Variants in ANK2 observed in about 807,000 individuals in gnomAD.
The protein encoded by ANK2 is ankyrin-2.
Under a neutral mutation model 360.5 loss-of-function variants are expected in ANK2, and 83 were observed. The observed-to-expected ratio is 0.23, with a 90% CI of 0.19 to 0.28. The LOEUF (loss-of-function observed/expected upper bound fraction) is 0.28, where lower values mean the gene tolerates loss of function less well. ANK2 is among the 10% of genes least tolerant of loss of function. The pLI is 1.00. For synonymous variants in ANK2, 1,740 were observed against 1,759.5 expected (o/e 0.99, Z 0.28); for missense variants, 4,201 against 4,795.7 (o/e 0.88, Z 3.66).
At chr4:113,070,749 C>T (rs2077253832) in intron 1 of ANK2, among the ~76,000 whole-genome samples, 1 of 151,922 alleles carries the variant, frequency 6.6e-6, no homozygotes, top group Admixed American at 6.6e-5. Flanking sequence ...GTGTGACTTC[C>T]CTGATTTCAC....
chr4:113,263,436 A>G (rs1006152745), intron 13 of ANK2, among the ~76,000 whole-genome samples: 1 of 152,232 alleles, frequency 6.6e-6, no homozygotes, highest in Non-Finnish European at 1.5e-5. Context: ...TTAGAGGATA[A>G]ATGAGTCATC....
At chr4:112,766,836 T>C in the ANK2 span, among the ~76,000 whole-genome samples, 23 of 152,146 alleles carry the variant, frequency 1.5e-4, no homozygotes, top group African/African-American at 5.3e-4. Flanking sequence ...AAGACAGGAA[T>C]TGAGTTAGCC....
At chr4:113,190,488 T>C (rs1207600779) in intron 2 of ANK2, among the ~76,000 whole-genome samples, 1 of 152,108 alleles carries the variant, frequency 6.6e-6, no homozygotes, top group East Asian at 1.9e-4. Flanking sequence ...GTTTTTTTTT[T>C]TCTAATTTTG....
At chr4:113,243,758 AAC>A (rs2041295173) in intron 9 of ANK2, among the ~76,000 whole-genome samples, 1 of 152,318 alleles carries the variant, frequency 6.6e-6, no homozygotes, top group Admixed American at 6.5e-5. Flanking sequence ...CATCATTACT[AAC>A]ATTACCAATG....
intron 45 of ANK2, among the ~76,000 whole-genome samples, chr4:113,376,164 A>G (rs1020392095): frequency 7.9e-5 from 12 of 152,122 alleles, no homozygotes; most frequent in Non-Finnish European, 1.6e-4. Flanking sequence ...GAAATGCATC[A>G]TTAGACAACT....
At chr4:112,709,552 C>CAGCCTGGCCAACATGGTGA in the ANK2 span, among the ~76,000 whole-genome samples, 1 of 149,898 alleles carries the variant, frequency 6.7e-6, no homozygotes, top group Non-Finnish European at 1.5e-5. Context: ...AGTTCGAGAC[C>CAGCCTGGCCAACATGGTGA]AGCCTGGCCA....
intron 1 of ANK2, among the ~76,000 whole-genome samples, chr4:113,071,061 G>A (rs541467090): frequency 2.8e-4 from 42 of 152,214 alleles, no homozygotes; most frequent in African/African-American, 9.6e-4. Flanking sequence ...ACAAGATAAA[G>A]CCCTAAGAAT....
At chr4:113,218,331 A>T (rs1361397170) in intron 4 of ANK2, among the ~76,000 whole-genome samples, 6 of 152,026 alleles carry the variant, frequency 3.9e-5, no homozygotes, top group Non-Finnish European at 5.9e-5. Context: ...TCTTTGGAAA[A>T]TTTTTTAAAA....
chr4:113,228,651 T>C (rs913343149), intron 4 of ANK2, among the ~76,000 whole-genome samples: 7 of 151,994 alleles, frequency 4.6e-5, no homozygotes, highest in African/African-American at 1.7e-4. Flanking sequence ...TAAACACGTG[T>C]GTGCAAGTAT....
At chr4:112,826,477 C>T in intron 1 of ANK2, 1 of 1,121,670 alleles carries the variant, frequency 8.9e-7, no homozygotes, top group South Asian at 1.3e-5. Flanking sequence ...TCTGTGAAAC[C>T]TTTTGTTACA....
Position 113,372,727 on chromosome 4 carries a change from T to C in ANK2, c.11611-363T>C, listed in dbSNP as rs1347990873. 3.3e-5 allele frequency: 26 copies of C among 778,568 alleles called. No homozygotes were observed. In the South Asian group the frequency reaches 4.0e-4, roughly 12 times the overall value. The allele number at this position is 778,568 out of a possible 1,614,324, so 48.2% of individuals were successfully genotyped here. A position where few individuals can be genotyped will look rare whatever the true frequency, so the allele number is the denominator to read the frequency against. ...AAGGCTTGGCATGTTCCTTAGGTAG[T>C]GCATGGCCATTCAAAAGCAGATCCC... On this transcript the variant is annotated intron_variant, in intron 43 of 45. Transcript: ENST00000357077.
intron 1 of ANK2, among the ~76,000 whole-genome samples, chr4:113,173,539 A>G (rs1240711708): frequency 6.6e-6 from 1 of 152,150 alleles, no homozygotes; most frequent in East Asian, 1.9e-4. Flanking sequence ...ACAAAAGTTT[A>G]TCATCGTTAT....
Position 113,036,569 on chromosome 4 carries a change from A to G in ANK2, c.21+132055A>G, listed in dbSNP as rs150365936. Reference sequence around the variant, plus strand: ...CTAACTGTTACATCTTGCTACACAGATATGTATGCCTGCAGGAAATTTGAA... The same window carrying G: ...CTAACTGTTACATCTTGCTACACAGGTATGTATGCCTGCAGGAAATTTGAA... On this transcript the variant is annotated intron_variant, in intron 2 of 30. Transcript: ENST00000503271. Among the ~76,000 whole-genome samples, 283 of 151,956 alleles carry G rather than the reference A, an allele frequency of 1.9e-3. 2 individuals are homozygous for G. Among genetic ancestry groups the G allele is most frequent in the African/African-American group, 6.5e-3 (271 of 41,510 alleles).
At chr4:113,043,713 GTGTT>G (rs1014441922) in intron 2 of ANK2, among the ~76,000 whole-genome samples, 1 of 152,156 alleles carries the variant, frequency 6.6e-6, no homozygotes, top group Non-Finnish European at 1.5e-5. Context: ...AAAAAGTCAT[GTGTT>G]TGTTTGTAAG....
At chr4:113,194,861 CTT>C (rs1175499319) in intron 2 of ANK2, among the ~76,000 whole-genome samples, 1 of 152,054 alleles carries the variant, frequency 6.6e-6, no homozygotes, top group Non-Finnish European at 1.5e-5. Flanking sequence ...TAGTATCCTG[CTT>C]TAGTTGTTTC....
intron 1 of ANK2, chr4:113,106,776 T>C: frequency 2.7e-6 from 1 of 371,288 alleles, no homozygotes; most frequent in South Asian, 2.3e-5. Flanking sequence ...TTCTTCACAA[T>C]ATTTCATAGG....
intron 1 of ANK2, among the ~76,000 whole-genome samples, chr4:113,055,958 C>G (rs1158596423): frequency 1.3e-5 from 2 of 152,130 alleles, no homozygotes; most frequent in African/African-American, 2.4e-5. Flanking sequence ...TCACTCTTAT[C>G]TATGGGAATA....
At chr4:112,792,809 G>A in the ANK2 span, among the ~76,000 whole-genome samples, 1 of 152,094 alleles carries the variant, frequency 6.6e-6, no homozygotes, top group Non-Finnish European at 1.5e-5. Context: ...CCAAAGAAAG[G>A]AGAAGGATAG....
chr4:113,252,604 T>G lies in ANK2; in HGVS notation c.990+2742T>G, dbSNP rs79205491. On this transcript the variant is annotated intron_variant, in intron 10 of 45. Transcript: ENST00000357077. ...CTATTTCTGTGTCTAACTTCACACT[T>G]GCCAGCCCCTCCTATGTTTCAGCTC... Among the ~76,000 whole-genome samples, 173 of 152,286 alleles carry G rather than the reference T, an allele frequency of 1.1e-3. 2 individuals are homozygous for G. In the East Asian group the frequency reaches 0.03, roughly 27 times the overall value.
Sources: gnomAD v4.1 joint callset for allele counts (sites outside exome capture counted in the v4.1 genomes callset) on GRCh38, gnomAD v4.1.1 for gene constraint, MANE v1.5 for transcripts, NCBI Gene and HGNC (gene_info 2026-07-23, HGNC 2026-07-21) for gene names.